MEGF10: variants seen among roughly 807,000 people sequenced by gnomAD.
MEGF10 encodes multiple EGF like domains 10, also known as multiple epidermal growth factor-like domains protein 10.
Under a neutral mutation model 147.5 loss-of-function variants are expected in MEGF10, and 86 were observed. The observed-to-expected ratio is 0.58, with a 90% confidence interval of 0.49 to 0.70. MEGF10 has a LOEUF of 0.70. MEGF10 is among the 30% of genes least tolerant of loss of function. MEGF10 has a pLI of 0.00. For missense variants in MEGF10, 1,329 were observed against 1,487.3 expected, an observed-to-expected ratio of 0.89 and a Z score of 1.75; for synonymous variants, 478 against 525.5, an observed-to-expected ratio of 0.91 and a Z score of 1.24.
intron 5 of MEGF10, among the ~76,000 whole-genome samples, chr5:127,374,147 T>C (rs985670350): frequency 2.0e-5 from 3 of 152,088 alleles, no homozygotes; most frequent in Non-Finnish European, 2.9e-5. Context: ...AAACAAGGCA[T>C]TGGAAAAGCC....
At position 127,325,443 on chromosome 5, in the gene MEGF10, T is replaced by C. The variant is rs549523231; in HGVS notation, c.-18-5848T>C. On this transcript the variant is annotated intron_variant, in intron 1 of 24. Coordinates refer to ENST00000503335, the MANE Select transcript of MEGF10 (RefSeq NM_001256545.2). ...TTCACAGAGACATTGTAGAGGATTTTCCAGAGCTGATGATGAGTGAATTAC... is the reference window on the plus strand; with the variant it reads ...TTCACAGAGACATTGTAGAGGATTTCCCAGAGCTGATGATGAGTGAATTAC... 2.6e-5 allele frequency among the ~76,000 whole-genome samples: 4 copies of C among 152,116 alleles called. No homozygotes were observed. The South Asian group carries it at 8.3e-4, about 31-fold the overall frequency.
At chr5:127,429,837 G>A (rs1360607937) in intron 13 of MEGF10, among the ~76,000 whole-genome samples, 4 of 152,072 alleles carry the variant, frequency 2.6e-5, no homozygotes, top group Non-Finnish European at 5.9e-5. Context: ...CTCCTATAAA[G>A]CACAAATTTA....
At chr5:127,375,219 C>T (rs889721543) in intron 5 of MEGF10, among the ~76,000 whole-genome samples, 2 of 71,386 alleles carry the variant, frequency 2.8e-5, no homozygotes, top group Admixed American at 2.4e-4. Flanking sequence ...TCCTACATAG[C>T]TGTCTTTTTT....
At chr5:127,391,608 C>T (rs1262800248) in intron 5 of MEGF10, among the ~76,000 whole-genome samples, 1 of 150,798 alleles carries the variant, frequency 6.6e-6, no homozygotes, top group Non-Finnish European at 1.5e-5. Context: ...GGTTTCCACA[C>T]AAAGGGAGAG....
chr5:127,420,477 GT>G (rs1198826394), intron 12 of MEGF10, among the ~76,000 whole-genome samples: 4 of 151,710 alleles, frequency 2.6e-5, no homozygotes, highest in Non-Finnish European at 4.4e-5. Context: ...TTTACTTTCT[GT>G]TTCTTATTCA....
At chr5:127,268,037 G>A in the MEGF10 span, among the ~76,000 whole-genome samples, 2 of 152,062 alleles carry the variant, frequency 1.3e-5, no homozygotes, top group Non-Finnish European at 2.9e-5. Flanking sequence ...GATCTTTCCT[G>A]CTTTCTCTTG....
intron 1 of MEGF10, among the ~76,000 whole-genome samples, chr5:127,324,861 C>T (rs1337039740): frequency 6.6e-6 from 1 of 152,210 alleles, no homozygotes; most frequent in African/African-American, 2.4e-5. Context: ...TCTCCACCCT[C>T]AAGGCTTGGC....
chr5:127,309,947 C>CTTTCTTTCTTTCTT (rs1554088999), intron 1 of MEGF10, among the ~76,000 whole-genome samples: 1 of 90,396 alleles, frequency 1.1e-5, no homozygotes, highest in African/African-American at 4.5e-5. Flanking sequence ...TCCTTGCCAA[C>CTTTCTTTCTTTCTT]TCTTTCTTTC....
chr5:127,440,667 T>A, intron 17 of MEGF10, 72 bp from the exon 18 acceptor site: 1 of 1,528,660 alleles, frequency 6.5e-7, no homozygotes, highest in Non-Finnish European at 9.0e-7. Flanking sequence ...CACAAATATG[T>A]TGGAGGCACG....
intron 1 of MEGF10, among the ~76,000 whole-genome samples, chr5:127,296,195 A>G (rs1291762406): frequency 6.6e-6 from 1 of 152,228 alleles, no homozygotes; most frequent in Non-Finnish European, 1.5e-5. Flanking sequence ...ATTTTACTTT[A>G]TAGAACTTTA....
intron 13 of MEGF10, among the ~76,000 whole-genome samples, chr5:127,429,011 G>T (rs1387315830): frequency 6.6e-6 from 1 of 152,174 alleles, no homozygotes; most frequent in Non-Finnish European, 1.5e-5. Flanking sequence ...TTTGTTCTCA[G>T]TCGTGGCAAA....
At chr5:127,457,105 T>G (rs772327582) in intron 24 of MEGF10, 23 bp from the exon 25 acceptor site, 1 of 1,548,724 alleles carries the variant, frequency 6.5e-7, no homozygotes, top group Non-Finnish European at 8.7e-7. Flanking sequence ...GCTGATAAAT[T>G]AATATGTCCT....
chr5:127,433,635 G>A lies in MEGF10; in HGVS notation c.1840+126G>A, dbSNP rs1251728809. 5.2e-6 allele frequency: 6 copies of A among 1,162,544 alleles called. No homozygotes were observed. In the East Asian group the frequency reaches 1.5e-4, roughly 29 times the overall value. 72.0% of individuals were successfully genotyped at this position (1,162,544 alleles called of 1,614,324 possible). A position where few individuals can be genotyped will look rare whatever the true frequency, so the allele number is the denominator to read the frequency against. On this transcript the variant is annotated intron_variant, in intron 14 of 24. Coordinates refer to ENST00000503335, the MANE Select transcript of MEGF10 (RefSeq NM_001256545.2). ...GTTGCAGTTGAAGGCAAAAGAGAGT[G>A]TAATGGTTCACTTGTCCTTTGCAGA... is the stretch of plus-strand genomic sequence containing the variant.
upstream of MEGF10, among the ~76,000 whole-genome samples, chr5:127,286,289 A>G (rs1164038280): frequency 6.6e-6 from 1 of 152,058 alleles, no homozygotes; most frequent in Non-Finnish European, 1.5e-5. Context: ...TTGTAATTTC[A>G]AAGTAGCTAG....
chr5:127,288,847 G>A (rs1759113217), upstream of MEGF10, among the ~76,000 whole-genome samples: 1 of 152,070 alleles, frequency 6.6e-6, no homozygotes, highest in Non-Finnish European at 1.5e-5. Context: ...TGGTAAACTG[G>A]CAAACAAATT....
At chr5:127,335,655 T>C (rs1020732713) in intron 2 of MEGF10, among the ~76,000 whole-genome samples, 1 of 152,102 alleles carries the variant, frequency 6.6e-6, no homozygotes, top group Non-Finnish European at 1.5e-5. Context: ...TGTACTAACA[T>C]GGGAAAATGC....
chr5:127,416,966 G>C (rs538053286), intron 9 of MEGF10, among the ~76,000 whole-genome samples: 39 of 152,362 alleles, frequency 2.6e-4, no homozygotes, highest in African/African-American at 9.1e-4. Flanking sequence ...ATCAGGCAAG[G>C]AAGACCATCT....
intron 21 of MEGF10, among the ~76,000 whole-genome samples, chr5:127,448,527 G>GA (rs922553158): frequency 3.3e-5 from 5 of 151,714 alleles, no homozygotes; most frequent in African/African-American, 4.8e-5. Flanking sequence ...TGCTCTATTA[G>GA]AAAAAAAATC....
chr5:127,412,657 A>G (rs1299135455), intron 9 of MEGF10, among the ~76,000 whole-genome samples: 2 of 152,194 alleles, frequency 1.3e-5, no homozygotes, highest in African/African-American at 2.4e-5. Flanking sequence ...AAGGGTTTGT[A>G]TCAGGTAGCT....
Sources: gnomAD v4.1 joint callset for allele counts (sites outside exome capture counted in the v4.1 genomes callset) on GRCh38, gnomAD v4.1.1 for gene constraint, MANE v1.5 for transcripts, NCBI Gene and HGNC (gene_info 2026-07-23, HGNC 2026-07-21) for gene names.